XYLT1: variants seen among roughly 807,000 people sequenced by gnomAD.
XYLT1 encodes the protein xylosyltransferase 1, also known as beta-D-xylosyltransferase 1.
A neutral mutation model predicts 91.3 loss-of-function variants in XYLT1; 36 were observed. The observed-to-expected ratio is 0.39, with a 90% CI of 0.30 to 0.52. The LOEUF (loss-of-function observed/expected upper bound fraction) is 0.52, where lower values mean the gene tolerates loss of function less well. Among genes scored for constraint, XYLT1 ranks in the 20% least tolerant of loss-of-function variants. The probability of loss-of-function intolerance (pLI) is 0.68; values close to 1 mark genes in which losing one functional copy is unlikely to be tolerated. For missense variants in XYLT1, 1,242 were observed against 1,284.5 expected, an observed-to-expected ratio of 0.97 and a Z score of 0.51; for synonymous variants, 588 against 532.0, an observed-to-expected ratio of 1.11 and a Z score of -1.45.
chr16:17,386,762 C>T (rs1422710540), intron 1 of XYLT1, among the ~76,000 whole-genome samples: 3 of 152,142 alleles, frequency 2.0e-5, no homozygotes, highest in Non-Finnish European at 4.4e-5. Flanking sequence ...TATTAAATGT[C>T]CCAGGCACTG....
intron 6 of XYLT1, 55 bp downstream of exon 6, chr16:17,158,774 T>G: frequency 6.3e-7 from 1 of 1,591,090 alleles, no homozygotes. Context: ...ATTCCCCAAA[T>G]GATCACTCAG....
At chr16:17,190,451 C>A (rs576917008) in intron 5 of XYLT1, among the ~76,000 whole-genome samples, 49 of 132,018 alleles carry the variant, frequency 3.7e-4, no homozygotes, top group Admixed American at 9.7e-4. Context: ...CCCCTCCCCC[C>A]ACCCCACAAC....
At chr16:17,457,176 T>C (rs1383184058) in intron 1 of XYLT1, among the ~76,000 whole-genome samples, 1 of 152,234 alleles carries the variant, frequency 6.6e-6, no homozygotes. Context: ...TGGCTACTAA[T>C]TCAAGTTTTG....
chr16:17,130,524 G>T (rs142369541), intron 9 of XYLT1, among the ~76,000 whole-genome samples: 140 of 152,186 alleles, frequency 9.2e-4, no homozygotes, highest in African/African-American at 2.8e-3. Context: ...CCAGGCTAGA[G>T]TGCAGTGTCG....
chr16:17,233,531 A>G (rs1288441867), intron 3 of XYLT1, among the ~76,000 whole-genome samples: 1 of 152,240 alleles, frequency 6.6e-6, no homozygotes, highest in Non-Finnish European at 1.5e-5. Context: ...CCTGCTTCAA[A>G]GCAGAGATTG....
intron 6 of XYLT1, among the ~76,000 whole-genome samples, chr16:17,145,770 T>C (rs1363330101): frequency 1.3e-5 from 2 of 152,220 alleles, no homozygotes; most frequent in Non-Finnish European, 2.9e-5. Context: ...GTGGGGAGGT[T>C]CTTAGGCTCC....
intron 2 of XYLT1, among the ~76,000 whole-genome samples, chr16:17,343,247 C>G (rs2035090349): frequency 6.6e-6 from 1 of 152,220 alleles, no homozygotes; most frequent in Non-Finnish European, 1.5e-5. Flanking sequence ...TCTCCTGTGA[C>G]AGCCAAACTA....
At chr16:17,419,743 CACTT>C (rs2036227419) in intron 1 of XYLT1, among the ~76,000 whole-genome samples, 1 of 152,048 alleles carries the variant, frequency 6.6e-6, no homozygotes, top group Non-Finnish European at 1.5e-5. Context: ...AAACAAAAAA[CACTT>C]AATATAGGGA....
intron 1 of XYLT1, among the ~76,000 whole-genome samples, chr16:17,464,995 T>G (rs768415061): frequency 6.6e-6 from 1 of 151,668 alleles, no homozygotes; most frequent in African/African-American, 2.4e-5. Flanking sequence ...AATACAAAAA[T>G]TAGCCAGGCG....
At chr16:17,209,372 G>T (rs552272567) in intron 3 of XYLT1, among the ~76,000 whole-genome samples, 1 of 152,310 alleles carries the variant, frequency 6.6e-6, no homozygotes, top group Non-Finnish European at 1.5e-5. Flanking sequence ...TCCACTGTAT[G>T]CATATAGCAC....
rs9652586 is a variant in XYLT1 at position 17,293,620 on chromosome 16, T to G, written c.403-34122A>C. Reference sequence around the variant, plus strand: ...CTCCTGTCTCAGCCTCCTGAGTAGCTGGGATTATAGGCACCCATCACCACA... The same window carrying G: ...CTCCTGTCTCAGCCTCCTGAGTAGCGGGGATTATAGGCACCCATCACCACA... On this transcript the variant is annotated intron_variant, in intron 2 of 11. Transcript: ENST00000261381. Among the ~76,000 whole-genome samples the G allele has an allele frequency of 3.6e-3, 540 of 151,492 alleles. 1 individual carries two copies. Among genetic ancestry groups the G allele is most frequent in the African/African-American group, 0.012 (502 of 41,344 alleles).
chr16:17,421,162 A>G (rs775914120), intron 1 of XYLT1, among the ~76,000 whole-genome samples: 4 of 152,190 alleles, frequency 2.6e-5, no homozygotes, highest in Non-Finnish European at 5.9e-5. Context: ...AGACTCAGAC[A>G]TATATTTCGA....
Position 17,139,194 on chromosome 16 carries a change from A to G in XYLT1, c.1588-663T>C, listed in dbSNP as rs146021644. ...GTACTTGAGAGACTGCCAGAGAGTG[A>G]GAGAAAGATTTCTATAATAGACAGT... On this transcript the variant is annotated intron_variant, in intron 7 of 11. Coordinates refer to ENST00000261381, the MANE Select transcript of XYLT1 (RefSeq NM_022166.4). Among the ~76,000 whole-genome samples, 736 of 152,348 alleles carry G rather than the reference A, an allele frequency of 4.8e-3. 6 individuals carry two copies. The highest frequency in any genetic ancestry group is 0.016 in the African/African-American group (683 of 41,572).
rs574409258 is a variant in XYLT1, at chr16:17,464,396, G to A, written c.363+6038C>T. Among the ~76,000 whole-genome samples, 6 of 151,712 alleles carry A rather than the reference G, an allele frequency of 4.0e-5. No homozygotes were observed. In the East Asian group the frequency reaches 9.7e-4, roughly 25 times the overall value. On this transcript the variant is annotated intron_variant, in intron 1 of 11. Transcript: ENST00000261381. ...AATCCCAGCTAATCAGGAGGCTGAG[G>A]CAGGAGAATTGCTTGAACCTGAGAG...
intron 3 of XYLT1, among the ~76,000 whole-genome samples, chr16:17,218,527 C>G (rs1449721015): frequency 1.3e-5 from 2 of 152,150 alleles, no homozygotes; most frequent in Non-Finnish European, 2.9e-5. Context: ...TTGTGCTCAG[C>G]AGTGATTGTG....
At chr16:17,357,935 A>G (rs373076619) in intron 2 of XYLT1, 77 bp downstream of exon 2, 53 of 1,537,598 alleles carry the variant, frequency 3.4e-5, no homozygotes, top group Non-Finnish European at 4.5e-5. Context: ...CCAGCCTTTC[A>G]GAGCCACGGG....
At chr16:17,444,635 C>T (rs376600398) in intron 1 of XYLT1, among the ~76,000 whole-genome samples, 2 of 152,154 alleles carry the variant, frequency 1.3e-5, no homozygotes, top group South Asian at 4.2e-4. Flanking sequence ...CACAAGACAC[C>T]ATGCCCAGCT....
chr16:17,405,618 C>T (rs1203246081), intron 1 of XYLT1, among the ~76,000 whole-genome samples: 1 of 152,196 alleles, frequency 6.6e-6, no homozygotes, highest in East Asian at 1.9e-4. Context: ...GATGCAAGAA[C>T]TGAATGACGC....
At chr16:17,419,868 T>G (rs1596536612) in intron 1 of XYLT1, among the ~76,000 whole-genome samples, 1 of 152,170 alleles carries the variant, frequency 6.6e-6, no homozygotes, top group Non-Finnish European at 1.5e-5. Context: ...GCAGGAACAT[T>G]CCATGAGACA....
Sources: allele counts gnomAD v4.1 joint callset (sites outside exome capture counted in the v4.1 genomes callset), GRCh38; gene constraint gnomAD v4.1.1; transcripts MANE v1.5; gene names NCBI Gene and HGNC (gene_info 2026-07-23, HGNC 2026-07-21).